The following ROBO1 variants were observed in gnomAD, a reference collection of about 807,000 sequenced individuals.
ROBO1 encodes the protein roundabout homolog 1.
Under a neutral mutation model 195.9 loss-of-function variants are expected in ROBO1, and 149 were observed. That is an observed-to-expected ratio of 0.76 (90% confidence interval 0.67 to 0.87). ROBO1 has a LOEUF of 0.87. Ranked by LOEUF, ROBO1 falls within the 40% of genes least tolerant of loss-of-function variation. The pLI is 0.00. For synonymous variants in ROBO1, 816 were observed against 733.2 expected, an observed-to-expected ratio of 1.11 and a Z score of -1.82; for missense variants, 1,933 against 2,068.3, an observed-to-expected ratio of 0.93 and a Z score of 1.27.
chr3:79,519,088 C>T (rs1249160846), intron 2 of ROBO1, among the ~76,000 whole-genome samples: 2 of 152,082 alleles, frequency 1.3e-5, no homozygotes. Flanking sequence ...GAATGCTTCT[C>T]GTTCCAGAAC....
intron 19 of ROBO1, 59 bp downstream of exon 19, chr3:78,651,673 A>G: frequency 7.6e-7 from 1 of 1,310,260 alleles, no homozygotes; most frequent in South Asian, 1.7e-5. Context: ...TTGGAATCAA[A>G]TATTAAAATC....
intron 2 of ROBO1, among the ~76,000 whole-genome samples, chr3:79,283,052 G>C (rs887207969): frequency 6.6e-6 from 1 of 152,182 alleles, no homozygotes; most frequent in Admixed American, 6.5e-5. Context: ...GTGCTTATTT[G>C]TATCTATATA....
intron 2 of ROBO1, among the ~76,000 whole-genome samples, chr3:79,190,517 G>A (rs1284963707): frequency 2.0e-5 from 3 of 151,490 alleles, no homozygotes; most frequent in Admixed American, 1.3e-4. Context: ...ACTCTTACTC[G>A]TTTCTGATGA....
chr3:79,498,739 A>G (rs901015527), intron 2 of ROBO1, among the ~76,000 whole-genome samples: 2 of 151,988 alleles, frequency 1.3e-5, no homozygotes, highest in African/African-American at 4.8e-5. Context: ...CTGTAATCCC[A>G]GCTACTCGGG....
chr3:78,946,198 G>C (rs2040433566), intron 3 of ROBO1, among the ~76,000 whole-genome samples: 2 of 152,066 alleles, frequency 1.3e-5, no homozygotes, highest in African/African-American at 4.8e-5. Context: ...CTCGAGAAGG[G>C]CAATTCCAAG....
intron 1 of ROBO1, among the ~76,000 whole-genome samples, chr3:79,607,228 A>G (rs1027953752): frequency 2.0e-5 from 3 of 151,518 alleles, no homozygotes; most frequent in African/African-American, 7.2e-5. Context: ...TATATTGTTA[A>G]GGTTAATATA....
intron 2 of ROBO1, among the ~76,000 whole-genome samples, chr3:79,151,478 G>A (rs749316375): frequency 5.3e-5 from 8 of 151,324 alleles, no homozygotes; most frequent in Admixed American, 2.6e-4. Flanking sequence ...ATCGCCCCTC[G>A]TCTCTCACCT....
chr3:79,633,443 C>T (rs1945406036), intron 1 of ROBO1, among the ~76,000 whole-genome samples: 1 of 151,074 alleles, frequency 6.6e-6, no homozygotes, highest in African/African-American at 2.4e-5. Flanking sequence ...GGCTCAGCCT[C>T]CCAAACTGCT....
At chr3:79,347,657 T>G (rs1005934666) in intron 2 of ROBO1, among the ~76,000 whole-genome samples, 2 of 152,198 alleles carry the variant, frequency 1.3e-5, no homozygotes, top group African/African-American at 4.8e-5. Flanking sequence ...AATAATATCT[T>G]GGAATCCTTG....
chr3:78,624,845 A>C (rs1288532806), intron 26 of ROBO1, among the ~76,000 whole-genome samples: 1 of 152,008 alleles, frequency 6.6e-6, no homozygotes, highest in Non-Finnish European at 1.5e-5. Flanking sequence ...GTGTCCTTTG[A>C]ATAGGGCTTT....
intron 2 of ROBO1, among the ~76,000 whole-genome samples, chr3:79,168,654 T>G (rs888740792): frequency 1.3e-5 from 2 of 152,152 alleles, no homozygotes; most frequent in African/African-American, 2.4e-5. Context: ...CCCAAACTCT[T>G]CAATATCTCT....
At chr3:79,705,901 A>C (rs1432842066) in intron 1 of ROBO1, among the ~76,000 whole-genome samples, 1 of 152,004 alleles carries the variant, frequency 6.6e-6, no homozygotes, top group Non-Finnish European at 1.5e-5. Context: ...TGTTAAATTT[A>C]TATTTATGTA....
At chr3:79,396,363 A>G (rs202138908) in intron 2 of ROBO1, among the ~76,000 whole-genome samples, 1 of 152,108 alleles carries the variant, frequency 6.6e-6, no homozygotes, top group Non-Finnish European at 1.5e-5. Context: ...GATATATTCT[A>G]TACTAGGGTG....
At chr3:79,735,764 G>T (rs1032048353) in intron 1 of ROBO1, among the ~76,000 whole-genome samples, 2 of 151,824 alleles carry the variant, frequency 1.3e-5, no homozygotes, top group African/African-American at 2.4e-5. Context: ...CCAGCTACTC[G>T]GGAGGCTGAG....
At chr3:79,499,971 T>A (rs1342543513) in intron 2 of ROBO1, among the ~76,000 whole-genome samples, 1 of 151,224 alleles carries the variant, frequency 6.6e-6, no homozygotes, top group Non-Finnish European at 1.5e-5. Flanking sequence ...TATGCCCGGG[T>A]AATTTTTGTA....
At chr3:79,555,647 C>T (rs907801421) in intron 2 of ROBO1, among the ~76,000 whole-genome samples, 4 of 152,084 alleles carry the variant, frequency 2.6e-5, no homozygotes, top group African/African-American at 9.7e-5. Flanking sequence ...GAGATTTCTG[C>T]TTTGTTATGG....
chr3:78,904,599 A>G (rs376033008), intron 4 of ROBO1, among the ~76,000 whole-genome samples: 204 of 152,072 alleles, frequency 1.3e-3, no homozygotes, highest in African/African-American at 4.8e-3. Context: ...TGCTCTCAGT[A>G]AAGGTTGGAG....
intron 3 of ROBO1, among the ~76,000 whole-genome samples, chr3:78,948,220 A>G (rs1008638450): frequency 6.6e-6 from 1 of 152,174 alleles, no homozygotes; most frequent in African/African-American, 2.4e-5. Flanking sequence ...GACACAACCA[A>G]TTTTAGACCA....
intron 8 of ROBO1, among the ~76,000 whole-genome samples, chr3:78,689,665 CTT>C (rs1469869666): frequency 6.6e-6 from 1 of 152,090 alleles, no homozygotes; most frequent in Non-Finnish European, 1.5e-5. Context: ...ATTCTCCTCT[CTT>C]GTCTCGGTTT....
Sources: gnomAD v4.1 joint callset for allele counts (sites outside exome capture counted in the v4.1 genomes callset) on GRCh38, gnomAD v4.1.1 for gene constraint, MANE v1.5 for transcripts, NCBI Gene and HGNC (gene_info 2026-07-23, HGNC 2026-07-21) for gene names.